Variants in NUP37 observed in about 807,000 individuals in gnomAD.
NUP37 encodes the protein nucleoporin Nup37.
A neutral mutation model predicts 45.4 loss-of-function variants in NUP37; 33 were observed. That is an observed-to-expected ratio of 0.73 (90% CI 0.55 to 0.97). NUP37 has a LOEUF of 0.97. Ranked by LOEUF, NUP37 falls within the 50% of genes least tolerant of loss-of-function variation. The pLI is 0.00. For missense variants in NUP37, 365 were observed against 389.7 expected (o/e 0.94, Z 0.53); for synonymous variants, 127 against 130.7 (o/e 0.97, Z 0.19).
At chr12:102,098,562 C>T (rs1879880140) in intron 5 of NUP37, among the ~76,000 whole-genome samples, 1 of 148,914 alleles carries the variant, frequency 6.7e-6, no homozygotes, top group African/African-American at 2.5e-5. Flanking sequence ...GATGGAGTGT[C>T]GCTATGCCAC....
At chr12:102,085,657 T>C in intron 6 of NUP37, 109 bp downstream of exon 6, 1 of 530,140 alleles carries the variant, frequency 1.9e-6, no homozygotes, top group Non-Finnish European at 3.4e-6. Flanking sequence ...TGCTGACTAG[T>C]ATCTCTGAGA....
chr12:102,095,811 A>G (rs1158697176), intron 5 of NUP37, among the ~76,000 whole-genome samples: 1 of 152,106 alleles, frequency 6.6e-6, no homozygotes, highest in Non-Finnish European at 1.5e-5. Flanking sequence ...TATTACTACT[A>G]ACATGAGCTT....
intron 5 of NUP37, among the ~76,000 whole-genome samples, chr12:102,096,634 G>C (rs1293750470): frequency 6.6e-6 from 1 of 152,076 alleles, no homozygotes; most frequent in Non-Finnish European, 1.5e-5. Context: ...AATACATATT[G>C]TAGAACTGCT....
Position 102,077,413 on chromosome 12 carries a change from ATGGCACT to A in NUP37, c.624_630del (p.Gln208HisfsTer2). 6.2e-7 allele frequency: 1 copy of A among 1,614,184 alleles called. No individual in the cohort carries two copies. The highest frequency in any genetic ancestry group is 8.5e-7 in the Non-Finnish European group (1 of 1,180,008). On this transcript the variant is annotated frameshift_variant, in exon 7 of 10. Coordinates refer to ENST00000552283, the MANE Select transcript of NUP37 (RefSeq NM_024057.4). LOFTEE classifies it high-confidence loss of function. ...TTTAAGCACCAGTGTGCTGACATTA[ATGGCACT>A]TGTTCTGATTCAAGAGATAAAATAG...
chr12:102,094,138 T>C (rs1319892924), intron 5 of NUP37, among the ~76,000 whole-genome samples: 1 of 152,140 alleles, frequency 6.6e-6, no homozygotes, highest in Non-Finnish European at 1.5e-5. Flanking sequence ...AGAATCTCTA[T>C]GTTCCATCAC....
chr12:102,112,255 TTAATAAG>T, intron 2 of NUP37, 23 bp from the exon 3 acceptor site: 1 of 1,584,430 alleles, frequency 6.3e-7, no homozygotes, highest in Non-Finnish European at 8.6e-7. Flanking sequence ...AGTAAATGTT[TTAATAAG>T]TAATGAGAAC....
intron 3 of NUP37, among the ~76,000 whole-genome samples, chr12:102,111,582 C>T (rs79661040): frequency 0.037 from 5,690 of 152,224 alleles, 146 homozygotes; most frequent in African/African-American, 0.069. Context: ...CTTAAATAAC[C>T]TAACATATTC....
chr12:102,099,403 T>C (rs982650555), intron 4 of NUP37, among the ~76,000 whole-genome samples: 1 of 152,138 alleles, frequency 6.6e-6, no homozygotes, highest in African/African-American at 2.4e-5. Context: ...AAATTGATCA[T>C]TCAACACACT....
At chr12:102,095,367 C>T (rs1879773963) in intron 5 of NUP37, among the ~76,000 whole-genome samples, 1 of 152,008 alleles carries the variant, frequency 6.6e-6, no homozygotes, top group African/African-American at 2.4e-5. Context: ...TTTTTCTGTG[C>T]ATATGCATAT....
At chr12:102,083,907 A>G (rs1032614281) in intron 6 of NUP37, among the ~76,000 whole-genome samples, 2 of 152,258 alleles carry the variant, frequency 1.3e-5, no homozygotes, top group Non-Finnish European at 1.5e-5. Flanking sequence ...CTTGTGAGAC[A>G]GTAGTGGAGA....
At chr12:102,118,877 C>T (rs1013527465) in intron 1 of NUP37, 1 of 191,548 alleles carries the variant, frequency 5.2e-6, no homozygotes, top group African/African-American at 2.3e-5. Context: ...ATCATTTTAA[C>T]AGCAAATGTT....
In NUP37 at chr12:102,085,796, A is replaced by C. The variant is rs772282309; in HGVS notation, c.510T>G (p.Ser170Arg). The change falls in exon 6 of 10, where the codon AGT becomes AGG. Residue 170 changes from serine (S) to arginine (R), a missense_variant. Physicochemically the swap from Ser to Arg is moderately radical, Grantham distance 110. Coordinates refer to ENST00000552283, the MANE Select transcript of NUP37 (RefSeq NM_024057.4). ...AHFVLHSPGM[S>R]VCWHPEETFK... ...AAGTCTCCTCAGGATGCCAGCACAC[A>C]CTCATGCCAGGAGAATGAAGAACAA... The C allele has an allele frequency of 1.3e-6, 2 of 1,596,806 alleles. No homozygotes were observed. The highest frequency in any genetic ancestry group is 1.7e-6 in the Non-Finnish European group (2 of 1,166,588).
chr12:102,081,237 T>G (rs1038771799), intron 6 of NUP37, among the ~76,000 whole-genome samples: 1 of 152,240 alleles, frequency 6.6e-6, no homozygotes, highest in African/African-American at 2.4e-5. Flanking sequence ...TATTATAGGT[T>G]AAAGTCAAAT....
chr12:102,092,688 CCATG>C (rs754515126), intron 5 of NUP37, among the ~76,000 whole-genome samples: 3 of 152,060 alleles, frequency 2.0e-5, no homozygotes, highest in African/African-American at 2.4e-5. Context: ...AGGTGGGGAA[CCATG>C]TAACTGAAAG....
intron 2 of NUP37, 43 bp from the exon 3 acceptor site, chr12:102,112,275 A>G (rs1259030607): frequency 6.7e-7 from 1 of 1,503,080 alleles, no homozygotes; most frequent in African/African-American, 1.4e-5. Flanking sequence ...ATGAGAACAA[A>G]CAATATAATA....
chr12:102,112,057 A>G (rs758990450), intron 3 of NUP37, 51 bp downstream of exon 3: 2 of 1,557,198 alleles, frequency 1.3e-6, no homozygotes, highest in South Asian at 2.3e-5. Flanking sequence ...CAATCATGTA[A>G]CACAATCAAA....
chr12:102,100,997 A>T (rs1879953690), intron 4 of NUP37, 35 bp downstream of exon 4: 1 of 1,299,392 alleles, frequency 7.7e-7, no homozygotes, highest in Non-Finnish European at 1.1e-6. Context: ...ACGTTTTAAA[A>T]TAAGCTCTAA....
chr12:102,076,827 G>A lies in NUP37; in HGVS notation c.743C>T (p.Pro248Leu), dbSNP rs987681170. 6.2e-7 allele frequency: 1 copy of A among 1,613,066 alleles called. No homozygotes were observed. Residue 248 changes from proline to leucine, a missense_variant, in exon 8 of 10, where the codon CCT becomes CTT. Pro to Leu is a moderately conservative substitution (Grantham distance 98). Transcript: ENST00000552283. ...TRSSYPQNKR[P>L]VHMDRACLFR... ...TAAGCAGGCTCGATCCATGTGAACA[G>A]GTCTCTTATTTTGAGGATAACTAAA...
At position 102,099,186 on chromosome 12, in the gene NUP37, A is replaced by T; in HGVS notation, c.369T>A (p.His123Gln). The change falls in exon 5 of 10, where the codon CAT becomes CAA. Residue 123 changes from histidine (H) to glutamine (Q), a missense_variant. By Grantham distance (24) the His-to-Gln change is conservative. Transcript: ENST00000552283. ...ACACCAAACCATTAATGAAATCGGT[A>T]TGGCCCTCTAAAACCTGACAGAAAG... ...DKNEYKVLEG[H>Q]TDFINGLVFD... is the part of the protein sequence containing the mutation. 1 of 1,612,040 alleles carries T rather than the reference A, an allele frequency of 6.2e-7. No individual in the cohort carries two copies. Among genetic ancestry groups the T allele is most frequent in the Non-Finnish European group, 8.5e-7 (1 of 1,178,122 alleles).
Sources: allele counts gnomAD v4.1 joint callset (sites outside exome capture counted in the v4.1 genomes callset), GRCh38; gene constraint gnomAD v4.1.1; transcripts MANE v1.5; gene names NCBI Gene and HGNC (gene_info 2026-07-23, HGNC 2026-07-21).